Variants in MON2 observed in about 807,000 individuals in gnomAD.
MON2 encodes protein MON2 homolog.
Under a neutral mutation model 208.6 loss-of-function variants are expected in MON2, and 84 were observed. The observed-to-expected ratio is 0.40, with a 90% CI of 0.34 to 0.48. The LOEUF (loss-of-function observed/expected upper bound fraction) is 0.48, where lower values mean the gene tolerates loss of function less well. Among genes scored for constraint, MON2 ranks in the 20% least tolerant of loss-of-function variants. The pLI is 0.59. For synonymous variants in MON2, 660 were observed against 694.0 expected (o/e 0.95, Z 0.77); for missense variants, 1,611 against 2,015.4 (o/e 0.80, Z 3.84).
At chr12:62,570,470 T>TA (rs1430339659) in intron 29 of MON2, among the ~76,000 whole-genome samples, 2 of 152,120 alleles carry the variant, frequency 1.3e-5, no homozygotes, top group Admixed American at 6.5e-5. Context: ...AGTGGGAAAA[T>TA]ACAGTCATGT....
chr12:62,538,497 A>G lies in MON2; in HGVS notation c.2356A>G (p.Asn786Asp). 6.3e-7 allele frequency: 1 copy of G among 1,591,548 alleles called. No homozygotes were observed. Among genetic ancestry groups the G allele is most frequent in the Non-Finnish European group, 8.6e-7 (1 of 1,160,566 alleles). The part of the protein sequence containing the change: ...SLEAMDMAYG[N>D]NKEPSLFAVA... Reference sequence around the variant, plus strand: ...AGAAGCAATGGATATGGCCTATGGAAATAATAAGGTGTGATATTCTACCTT... The same window carrying G: ...AGAAGCAATGGATATGGCCTATGGAGATAATAAGGTGTGATATTCTACCTT... Residue 786 changes from asparagine (N) to aspartate (D), a missense_variant, in exon 19 of 35, where the codon AAT becomes GAT. Physicochemically the swap from Asn to Asp is conservative, Grantham distance 23. Coordinates refer to ENST00000393630, the MANE Select transcript of MON2 (RefSeq NM_015026.3).
At chr12:62,527,764 G>A (rs539181115) in intron 11 of MON2, among the ~76,000 whole-genome samples, 42 of 151,960 alleles carry the variant, frequency 2.8e-4, no homozygotes, top group African/African-American at 1.0e-3. Context: ...AGGTGAAGAT[G>A]GGGACAGAAA....
intron 23 of MON2, among the ~76,000 whole-genome samples, chr12:62,550,566 T>C (rs1156590358): frequency 6.6e-6 from 1 of 152,164 alleles, no homozygotes; most frequent in African/African-American, 2.4e-5. Context: ...TTGTCTACAT[T>C]GAAAATCTGT....
At chr12:62,493,030 TAC>T (rs1201634391) in intron 2 of MON2, among the ~76,000 whole-genome samples, 1 of 147,992 alleles carries the variant, frequency 6.8e-6, no homozygotes, top group East Asian at 2.0e-4. Flanking sequence ...CACACACACA[TAC>T]ACACATACAC....
intron 30 of MON2, 74 bp from the exon 31 acceptor site, chr12:62,578,371 A>G: frequency 1.0e-6 from 1 of 973,712 alleles, no homozygotes; most frequent in Non-Finnish European, 1.5e-6. Context: ...TGACATTTGA[A>G]TACTGTTTTT....
chr12:62,482,760 A>C (rs917899961), intron 1 of MON2: 1 of 152,244 alleles, frequency 6.6e-6, no homozygotes. Context: ...AGCCAGGTGC[A>C]GTGGCTCATG....
At chr12:62,579,532 G>T (rs1452142859) in intron 31 of MON2, among the ~76,000 whole-genome samples, 1 of 150,548 alleles carries the variant, frequency 6.6e-6, no homozygotes, top group African/African-American at 2.5e-5. Context: ...GACCATCCTG[G>T]TTAACATGGT....
chr12:62,555,860 C>T lies in MON2; in HGVS notation c.3211-134C>T. ...AATTACTCTATTGGTCAGTTTCCTC[C>T]AATATATAGGGATTGATAAGACTGT... On this transcript the variant is annotated intron_variant, in intron 24 of 34. Transcript: ENST00000393630. 7.8e-6 allele frequency: 5 copies of T among 643,996 alleles called. No homozygotes were observed. The South Asian group carries it at 1.0e-4, about 13-fold the overall frequency. 39.9% of individuals were successfully genotyped at this position (643,996 alleles called of 1,614,324 possible).
chr12:62,494,949 C>T (rs7135893), intron 3 of MON2, 67 bp from the exon 4 acceptor site: 776,862 of 1,198,900 alleles, frequency 0.65, 252,626 homozygotes, highest in African/African-American at 0.77. Flanking sequence ...TGTATACCTT[C>T]TCTTATTTAG....
At position 62,467,308 on chromosome 12, in the gene MON2, C is replaced by T. The variant is rs1344553001; in HGVS notation, c.101C>T (p.Pro34Leu). The change falls in exon 1 of 35, where the codon CCT (proline) becomes CTT (leucine). Residue 34 changes from proline (P) to leucine (L), a missense_variant. Transcript: ENST00000393630. Reference sequence around the variant, plus strand: ...CTGGAGTGCAAGAAGAAATTCCCACCTGTCAAAGAGGTAAGCTTCAGGTGA... The same window carrying T: ...CTGGAGTGCAAGAAGAAATTCCCACTTGTCAAAGAGGTAAGCTTCAGGTGA... Reference protein sequence around the residue: ...LSLECKKKFPPVKEAAESGII... With the variant: ...LSLECKKKFPLVKEAAESGII... 1.9e-6 allele frequency: 3 copies of T among 1,613,854 alleles called. No homozygotes were observed. Among genetic ancestry groups the T allele is most frequent in the African/African-American group, 2.7e-5 (2 of 74,934 alleles).
intron 8 of MON2, among the ~76,000 whole-genome samples, chr12:62,509,973 A>G (rs1254469401): frequency 6.6e-6 from 1 of 152,128 alleles, no homozygotes; most frequent in Non-Finnish European, 1.5e-5. Context: ...AGGAGGAGAC[A>G]TTACAACTGA....
chr12:62,524,461 TA>T, intron 8 of MON2, 53 bp from the exon 9 acceptor site: 1 of 1,441,392 alleles, frequency 6.9e-7, no homozygotes, highest in East Asian at 2.4e-5. Context: ...GAACACAGTC[TA>T]TAATTCTTCT....
chr12:62,467,713 A>G (rs1408825646), intron 1 of MON2, among the ~76,000 whole-genome samples: 1 of 152,218 alleles, frequency 6.6e-6, no homozygotes, highest in Non-Finnish European at 1.5e-5. Flanking sequence ...CGTTTATGGC[A>G]TATCACTGAA....
chr12:62,574,435 C>T (rs1474679291), intron 30 of MON2, among the ~76,000 whole-genome samples: 1 of 151,904 alleles, frequency 6.6e-6, no homozygotes, highest in Non-Finnish European at 1.5e-5. Flanking sequence ...GGAGTGAAGT[C>T]GCATGTTCAT....
rs1011065760 is a variant in MON2 at position 62,595,757 on chromosome 12, T to C, written c.*3008T>C. 4 of 152,198 alleles carry C rather than the reference T, an allele frequency of 2.6e-5. No homozygotes were observed. Among genetic ancestry groups the C allele is most frequent in the African/African-American group, 9.7e-5 (4 of 41,446 alleles). The allele number at this position is 152,198 out of a possible 1,614,324, so 9.4% of individuals were successfully genotyped here. The stretch of plus-strand genomic sequence containing the variant: ...ACATTTGTAACATTTATTAGGAGCC[T>C]TTTAGGTTCCAAAACAAACAAAAGG... On this transcript the variant is annotated 3_prime_UTR_variant, in exon 35 of 35. Transcript: ENST00000393630.
Position 62,596,886 on chromosome 12 carries a change from T to C in MON2, c.*4137T>C, listed in dbSNP as rs536015546. 6.6e-6 allele frequency: 1 copy of C among 152,368 alleles called. No individual in the cohort carries two copies. Among genetic ancestry groups the C allele is most frequent in the East Asian group, 1.9e-4 (1 of 5,192 alleles). The allele number at this position is 152,368 out of a possible 1,614,324, so 9.4% of individuals were successfully genotyped here. On this transcript the variant is annotated 3_prime_UTR_variant, in exon 35 of 35. Transcript: ENST00000393630. ...GTCTTACAAATCCAATACTTTCTAATGCTCTAACAGTGTTGGCTATTTAAA... is the reference window on the plus strand; with the variant it reads ...GTCTTACAAATCCAATACTTTCTAACGCTCTAACAGTGTTGGCTATTTAAA...
intron 7 of MON2, among the ~76,000 whole-genome samples, chr12:62,504,513 C>T (rs2071007717): frequency 6.6e-6 from 1 of 152,066 alleles, no homozygotes; most frequent in African/African-American, 2.4e-5. Context: ...TCCCAAAGTG[C>T]TGAGATTACA....
At chr12:62,537,098 A>T in intron 14 of MON2, 53 bp from the exon 15 acceptor site, 1 of 1,098,032 alleles carries the variant, frequency 9.1e-7, no homozygotes, top group Non-Finnish European at 1.3e-6. Flanking sequence ...ACATTACTTT[A>T]AATGCAATAT....
chr12:62,534,845 T>G lies in MON2; in HGVS notation c.1634T>G (p.Val545Gly). 6.2e-7 allele frequency: 1 copy of G among 1,607,424 alleles called. No homozygotes were observed. Among genetic ancestry groups the G allele is most frequent in the Non-Finnish European group, 8.5e-7 (1 of 1,174,626 alleles). ...ATATTGTATGTTTTTTTCCTTTAAG[T>G]TAGTAGGGCTGTTTGGGAAGAAATG... ...STSDQMDKEI[V>G]SRAVWEEMVN... Residue 545 changes from valine to glycine, a missense_variant and splice_region_variant, in exon 13 of 35, where the codon GTT becomes GGT. Coordinates refer to ENST00000393630, the MANE Select transcript of MON2 (RefSeq NM_015026.3).
Sources: allele counts gnomAD v4.1 joint callset (sites outside exome capture counted in the v4.1 genomes callset), GRCh38; gene constraint gnomAD v4.1.1; transcripts MANE v1.5; gene names NCBI Gene and HGNC (gene_info 2026-07-23, HGNC 2026-07-21).